The following NRXN3 variants were observed in gnomAD, a reference collection of about 807,000 sequenced individuals.
NRXN3 encodes the protein neurexin 3.
In NRXN3, 32 loss-of-function variants were observed where a neutral mutation model predicts 137.6. That is an observed-to-expected ratio of 0.23 (90% CI 0.18 to 0.31). The LOEUF (loss-of-function observed/expected upper bound fraction) is 0.31, where lower values mean the gene tolerates loss of function less well. NRXN3 is among the 10% of genes least tolerant of loss of function. NRXN3 has a pLI of 1.00. For synonymous variants in NRXN3, 798 were observed against 784.5 expected, an observed-to-expected ratio of 1.02 and a Z score of -0.29; for missense variants, 1,574 against 2,062.5, an observed-to-expected ratio of 0.76 and a Z score of 4.59.
intron 11 of NRXN3, among the ~76,000 whole-genome samples, chr14:78,965,448 A>T (rs2099415665): frequency 6.6e-6 from 1 of 152,112 alleles, no homozygotes; most frequent in Non-Finnish European, 1.5e-5. Flanking sequence ...GAGTAGCTTG[A>T]TTAGGGTCAA....
At chr14:79,626,869 TAAAG>T (rs2098287432) in intron 16 of NRXN3, among the ~76,000 whole-genome samples, 1 of 152,250 alleles carries the variant, frequency 6.6e-6, no homozygotes, top group East Asian at 1.9e-4. Context: ...TAGAAATAAA[TAAAG>T]AAAGGGGAAC....
chr14:79,731,634 C>CCCTT (rs1320123290), intron 19 of NRXN3, among the ~76,000 whole-genome samples: 1 of 147,742 alleles, frequency 6.8e-6, no homozygotes, highest in South Asian at 2.2e-4. Flanking sequence ...CCTATTTTTT[C>CCCTT]CCTTCCTTCT....
chr14:78,459,997 C>A (rs1041738207), intron 4 of NRXN3, among the ~76,000 whole-genome samples: 1 of 152,192 alleles, frequency 6.6e-6, no homozygotes, highest in South Asian at 2.1e-4. Flanking sequence ...GGCTATAAAT[C>A]GGGGATTCCC....
At chr14:79,084,747 ATTTTTT>A (rs1249355175) in intron 15 of NRXN3, among the ~76,000 whole-genome samples, 1 of 152,026 alleles carries the variant, frequency 6.6e-6, no homozygotes, top group Non-Finnish European at 1.5e-5. Flanking sequence ...AATCGTATTG[ATTTTTT>A]TAAAAACAAA....
chr14:78,730,809 A>G (rs1247281447), intron 8 of NRXN3, among the ~76,000 whole-genome samples: 1 of 152,214 alleles, frequency 6.6e-6, no homozygotes, highest in South Asian at 2.1e-4. Context: ...TGGTATATCA[A>G]TCTCTAATTG....
chr14:79,448,162 C>G (rs183000608), intron 15 of NRXN3, among the ~76,000 whole-genome samples: 11 of 152,300 alleles, frequency 7.2e-5, no homozygotes, highest in Admixed American at 7.2e-4. Context: ...TCACACAAGC[C>G]AAGCACCCTT....
intron 15 of NRXN3, among the ~76,000 whole-genome samples, chr14:79,041,028 C>T (rs891047566): frequency 1.3e-5 from 2 of 152,100 alleles, no homozygotes; most frequent in Admixed American, 1.3e-4. Flanking sequence ...AAGGACCCAC[C>T]CTAACTGCCT....
intron 4 of NRXN3, among the ~76,000 whole-genome samples, chr14:78,445,960 G>T (rs1416237207): frequency 6.6e-6 from 1 of 152,128 alleles, no homozygotes; most frequent in African/African-American, 2.4e-5. Flanking sequence ...TGGGGGTAAA[G>T]CTTCCCGGCA....
intron 2 of NRXN3, among the ~76,000 whole-genome samples, chr14:78,244,097 G>A (rs942134849): frequency 6.6e-6 from 1 of 152,146 alleles, no homozygotes; most frequent in East Asian, 1.9e-4. Context: ...CTGCAGCACC[G>A]TTTATCACAG....
At chr14:79,351,865 T>G (rs2093224978) in intron 15 of NRXN3, among the ~76,000 whole-genome samples, 1 of 152,204 alleles carries the variant, frequency 6.6e-6, no homozygotes, top group Non-Finnish European at 1.5e-5. Context: ...TGGGCAGTAT[T>G]TATATCAAAC....
chr14:78,367,611 A>T (rs2086169629), intron 4 of NRXN3, among the ~76,000 whole-genome samples: 1 of 152,232 alleles, frequency 6.6e-6, no homozygotes, highest in Non-Finnish European at 1.5e-5. Flanking sequence ...AGACCACAGG[A>T]TAGAGGATTT....
intron 15 of NRXN3, among the ~76,000 whole-genome samples, chr14:79,342,778 C>T (rs542322602): frequency 4.6e-5 from 7 of 152,204 alleles, no homozygotes; most frequent in African/African-American, 9.6e-5. Context: ...TAACTGTAAC[C>T]GCCCAATGGG....
rs565713725 is a variant in NRXN3 at position 79,122,216 on chromosome 14, T to C, written c.3262+134075T>C. On this transcript the variant is annotated intron_variant, in intron 15 of 20. Coordinates refer to ENST00000335750, the MANE Select transcript of NRXN3 (RefSeq NM_001330195.2). The stretch of plus-strand genomic sequence containing the variant: ...GTTAACGTGAAGGTTTTCCAGGGGC[T>C]TGGGGCACTGGTTAAGGAAACAGAT... 2.9e-4 allele frequency among the ~76,000 whole-genome samples: 44 copies of C among 152,288 alleles called. No homozygotes were observed. In the South Asian group the frequency reaches 8.1e-3, roughly 28 times the overall value.
At chr14:78,866,010 A>G (rs75799509) in intron 10 of NRXN3, among the ~76,000 whole-genome samples, 8,230 of 152,246 alleles carry the variant, frequency 0.054, 393 homozygotes, top group East Asian at 0.26. Flanking sequence ...AATGGTGACT[A>G]ATTTATCACC....
chr14:79,686,031 T>C (rs564387643), intron 17 of NRXN3, among the ~76,000 whole-genome samples: 67 of 152,178 alleles, frequency 4.4e-4, no homozygotes, highest in African/African-American at 1.2e-3. Flanking sequence ...TGGTGGCTCT[T>C]GCCTGTAATC....
intron 8 of NRXN3, among the ~76,000 whole-genome samples, chr14:78,745,738 A>C (rs2098604150): frequency 6.6e-6 from 1 of 152,210 alleles, no homozygotes; most frequent in Admixed American, 6.5e-5. Context: ...GCACTTGGTC[A>C]GTCCTTTTTG....
At chr14:78,667,923 A>T (rs1167075770) in intron 6 of NRXN3, among the ~76,000 whole-genome samples, 1 of 152,034 alleles carries the variant, frequency 6.6e-6, no homozygotes, top group Non-Finnish European at 1.5e-5. Flanking sequence ...AGCTGGGATT[A>T]CAAGCGCCCG....
chr14:79,778,866 C>T (rs898361209), intron 19 of NRXN3, among the ~76,000 whole-genome samples: 3 of 152,154 alleles, frequency 2.0e-5, no homozygotes, highest in African/African-American at 7.2e-5. Context: ...CTTCTTCTAC[C>T]TTTCACTGTA....
At chr14:78,560,785 C>G (rs530097501) in intron 4 of NRXN3, among the ~76,000 whole-genome samples, 60 of 152,320 alleles carry the variant, frequency 3.9e-4, no homozygotes, top group African/African-American at 1.4e-3. Context: ...AGGAAATTCC[C>G]TACCGCTTTT....
Sources: allele counts gnomAD v4.1 joint callset (sites outside exome capture counted in the v4.1 genomes callset), GRCh38; gene constraint gnomAD v4.1.1; transcripts MANE v1.5; gene names NCBI Gene and HGNC (gene_info 2026-07-23, HGNC 2026-07-21).